Variants in TCF7L2 observed in about 807,000 individuals in gnomAD.
TCF7L2 encodes the protein transcription factor 7-like 2.
TCF7L2 carries 23 observed loss-of-function variants against 77.9 expected under a neutral mutation model. The ratio of observed to expected loss-of-function variants is 0.30; its 90% CI spans 0.21 to 0.42. The LOEUF (loss-of-function observed/expected upper bound fraction) is 0.42, where lower values mean the gene tolerates loss of function less well. Among genes scored for constraint, TCF7L2 ranks in the 10% least tolerant of loss-of-function variants. The probability of loss-of-function intolerance (pLI) is 1.00; values close to 1 mark genes in which losing one functional copy is unlikely to be tolerated. For synonymous variants in TCF7L2, 413 were observed against 340.2 expected (o/e 1.21, Z -2.36); for missense variants, 654 against 793.1 (o/e 0.82, Z 2.11).
chr10:113,089,447 C>T (rs2060147788), intron 5 of TCF7L2: 1 of 1,613,606 alleles, frequency 6.2e-7, no homozygotes, highest in South Asian at 1.1e-5. Flanking sequence ...AGCACTTCTA[C>T]CCCCCCTCAG....
At chr10:112,953,216 A>AT (rs998892504) in intron 3 of TCF7L2, among the ~76,000 whole-genome samples, 12 of 151,736 alleles carry the variant, frequency 7.9e-5, no homozygotes, top group South Asian at 4.2e-4. Flanking sequence ...TAGACCGGTC[A>AT]TTTTTTTTAT....
chr10:113,026,036 G>T (rs1269354989), intron 4 of TCF7L2, among the ~76,000 whole-genome samples: 2 of 151,474 alleles, frequency 1.3e-5, no homozygotes, highest in African/African-American at 4.9e-5. Flanking sequence ...GTGCCACCAC[G>T]CCTGGCTAAT....
intron 4 of TCF7L2, among the ~76,000 whole-genome samples, chr10:112,993,785 G>C (rs879338564): frequency 3.3e-5 from 5 of 152,118 alleles, no homozygotes; most frequent in Admixed American, 6.5e-5. Context: ...GGCTGGGCAC[G>C]GTGGCTTACG....
intron 8 of TCF7L2, among the ~76,000 whole-genome samples, chr10:113,146,966 T>G (rs553154164): frequency 0.013 from 1,988 of 152,320 alleles, 25 homozygotes; most frequent in South Asian, 0.037. Flanking sequence ...TAGAAACATA[T>G]TTACAAGATA....
chr10:113,151,009 A>G lies in TCF7L2; in HGVS notation c.887A>G (p.His296Arg). Residue 296 changes from histidine (H) to arginine (R), a missense_variant, in exon 9 of 14, where the codon CAT becomes CGT. Around this residue, in one of 6 missense-constraint regions of TCF7L2, gnomAD observed 179 missense variants for 270.6 expected, o/e 0.66. Transcript: ENST00000627217. The surrounding 1 kb of genome is among the most constrained non-coding windows in gnomAD (Gnocchi z 5.2). ...TTTCTGTCTTCTAGGTTCCCTCCCC[A>G]TATGGTCCCACCACATCATACGCTA... 1.2e-6 allele frequency: 2 copies of G among 1,613,452 alleles called. No homozygotes were observed. The highest frequency in any genetic ancestry group is 1.7e-6 in the Non-Finnish European group (2 of 1,179,928).
chr10:113,017,445 C>T (rs117813531), intron 4 of TCF7L2, among the ~76,000 whole-genome samples: 2 of 152,228 alleles, frequency 1.3e-5, no homozygotes, highest in Non-Finnish European at 2.9e-5. Flanking sequence ...TTTCACCTGC[C>T]CATGCCGTCT....
chr10:113,138,332 A>G (rs2067742237), intron 5 of TCF7L2, among the ~76,000 whole-genome samples: 3 of 150,548 alleles, frequency 2.0e-5, no homozygotes. Context: ...GCAAAATAAT[A>G]CTGGGAGAGG....
At chr10:113,161,738 C>A in intron 13 of TCF7L2, 2 of 925,308 alleles carry the variant, frequency 2.2e-6, no homozygotes, top group Non-Finnish European at 3.3e-6. Context: ...TACGTGCATG[C>A]CCACGAGTCT....
rs137940446 is a variant in TCF7L2, at chr10:113,146,420, C to T, written c.875+323C>T. ...GTCCTGTCCTCAGCAAGAAAGGTAG[C>T]GGTGAAGGTAGTTTTATTATTATAC... On this transcript the variant is annotated intron_variant, in intron 8 of 13. Transcript: ENST00000627217. Among the ~76,000 whole-genome samples, 7 of 152,140 alleles carry T rather than the reference C, an allele frequency of 4.6e-5. No individual in the cohort carries two copies. In the East Asian group the frequency reaches 5.8e-4, roughly 13 times the overall value.
Position 113,144,073 on chromosome 10 carries a change from T to C in TCF7L2, c.788+48T>C, listed in dbSNP as rs2273793. 208 of 1,445,808 alleles carry C rather than the reference T, an allele frequency of 1.4e-4. No homozygotes were observed. The East Asian group carries it at 4.7e-3, about 33-fold the overall frequency. The allele number at this position is 1,445,808 out of a possible 1,614,324, so 89.6% of individuals were successfully genotyped here. ...TTCCTTTTTGTTTCTTACATGGGCA[T>C]GTTTATTATTTATTCTGTGTGTGTG... On this transcript the variant is annotated intron_variant, in intron 7 of 13. Transcript: ENST00000627217.
intron 5 of TCF7L2, among the ~76,000 whole-genome samples, chr10:113,087,890 T>C (rs1228740007): frequency 6.6e-6 from 1 of 152,216 alleles, no homozygotes; most frequent in Non-Finnish European, 1.5e-5. Flanking sequence ...ATGGTAACCA[T>C]GTACACTGCT....
intron 4 of TCF7L2, among the ~76,000 whole-genome samples, chr10:113,025,218 A>ATTTTTT (rs35779425): frequency 1.0e-5 from 1 of 98,980 alleles, no homozygotes. Flanking sequence ...CTGTGACTGG[A>ATTTTTT]TTTTTTTTTT....
intron 5 of TCF7L2, among the ~76,000 whole-genome samples, chr10:113,068,474 T>C (rs1248403847): frequency 6.6e-6 from 1 of 152,000 alleles, no homozygotes; most frequent in African/African-American, 2.4e-5. Context: ...CATGGCTGGG[T>C]TCTTGTAAGT....
chr10:112,972,573 T>C (rs182294413), intron 4 of TCF7L2, among the ~76,000 whole-genome samples: 2 of 152,228 alleles, frequency 1.3e-5, no homozygotes, highest in East Asian at 3.9e-4. Context: ...TGGACTAAGG[T>C]GATTCTCCCA....
chr10:113,011,613 TTTACTACCTTGAGTGTTGCTGTTGAGTA>T (rs1388251417), intron 4 of TCF7L2, among the ~76,000 whole-genome samples: 1 of 151,456 alleles, frequency 6.6e-6, no homozygotes, highest in African/African-American at 2.4e-5. Context: ...ACTGTCGAAT[TTTACTACCTTGAGTGTTGCTGTTGAGTA>T]TTACTACCTT....
intron 3 of TCF7L2, among the ~76,000 whole-genome samples, chr10:112,962,904 T>TATGA (rs2035646979): frequency 6.6e-6 from 1 of 152,188 alleles, no homozygotes; most frequent in Non-Finnish European, 1.5e-5. Flanking sequence ...CTGCCAGCGG[T>TATGA]TCACTTCAGA....
chr10:112,961,302 G>A (rs566369967), intron 3 of TCF7L2, among the ~76,000 whole-genome samples: 2 of 141,094 alleles, frequency 1.4e-5, no homozygotes, highest in Non-Finnish European at 3.0e-5. Flanking sequence ...GATTACAGGC[G>A]TGAGCCATCG....
At chr10:113,101,102 C>T (rs2061584543) in intron 5 of TCF7L2, among the ~76,000 whole-genome samples, 1 of 152,076 alleles carries the variant, frequency 6.6e-6, no homozygotes, top group African/African-American at 2.4e-5. Context: ...CATCCTTCTT[C>T]AATGTGTATC....
chr10:113,088,262 C>A (rs1275388753), intron 5 of TCF7L2, among the ~76,000 whole-genome samples: 1 of 152,148 alleles, frequency 6.6e-6, no homozygotes, highest in Non-Finnish European at 1.5e-5. Flanking sequence ...GAGCCATAGA[C>A]AGGCCAATGG....
Sources: gnomAD v4.1 joint callset for allele counts (sites outside exome capture counted in the v4.1 genomes callset) on GRCh38, gnomAD v4.1.1 for gene constraint, gnomAD v4.1.1 regional missense constraint, Gnocchi (gnomAD v3.1) non-coding constraint, MANE v1.5 for transcripts, NCBI Gene and HGNC (gene_info 2026-07-23, HGNC 2026-07-21) for gene names.